The following LPP variants were observed in gnomAD, a reference collection of about 807,000 sequenced individuals.
LPP encodes the protein LIM domain containing preferred translocation partner in lipoma, also known as lipoma-preferred partner.
Under a neutral mutation model 60.4 loss-of-function variants are expected in LPP, and 38 were observed. The observed-to-expected ratio is 0.63, with a 90% CI of 0.49 to 0.83. The LOEUF is 0.83. Among genes scored for constraint, LPP ranks in the 40% least tolerant of loss-of-function variants. LPP has a pLI of 0.00. For missense variants in LPP, 902 were observed against 783.6 expected (o/e 1.15, Z -1.80); for synonymous variants, 328 against 290.8 (o/e 1.13, Z -1.30).
chr3:188,736,524 A>G (rs1042675229), intron 8 of LPP, among the ~76,000 whole-genome samples: 1 of 152,156 alleles, frequency 6.6e-6, no homozygotes, highest in Non-Finnish European at 1.5e-5. Context: ...TTAGGAAAAG[A>G]AACTACTGTC....
intron 8 of LPP, among the ~76,000 whole-genome samples, chr3:188,741,733 A>T (rs1305737137): frequency 6.6e-6 from 1 of 152,024 alleles, no homozygotes; most frequent in African/African-American, 2.4e-5. Context: ...TAGATAGGCA[A>T]ATATTTCTTA....
At chr3:188,432,680 C>G (rs1227641923) in intron 4 of LPP, among the ~76,000 whole-genome samples, 1 of 151,746 alleles carries the variant, frequency 6.6e-6, no homozygotes, top group Non-Finnish European at 1.5e-5. Flanking sequence ...ATAATATCAC[C>G]CAGGGATGAT....
chr3:188,760,410 GT>G, intron 9 of LPP, 128 bp downstream of exon 9: 1 of 397,946 alleles, frequency 2.5e-6, no homozygotes, highest in Admixed American at 6.1e-5. Flanking sequence ...TGTGTGTGGG[GT>G]GTGTGTGTGT....
At chr3:188,212,496 G>C (rs1372887928) in intron 1 of LPP, 1 of 152,118 alleles carries the variant, frequency 6.6e-6, no homozygotes, top group Non-Finnish European at 1.5e-5. Flanking sequence ...AAGAGAGAAG[G>C]GTGATTTTTC....
At chr3:188,348,706 T>G (rs929158324) in intron 3 of LPP, among the ~76,000 whole-genome samples, 17 of 152,238 alleles carry the variant, frequency 1.1e-4, no homozygotes, top group Non-Finnish European at 2.5e-4. Context: ...CTAGAACTTC[T>G]GAATGAGAAT....
intron 2 of LPP, among the ~76,000 whole-genome samples, chr3:188,324,846 G>A (rs532721406): frequency 6.6e-6 from 1 of 152,108 alleles, no homozygotes; most frequent in East Asian, 1.9e-4. Flanking sequence ...CTTACAATTT[G>A]TCCACTTCAC....
chr3:188,551,764 A>G (rs770864241), intron 6 of LPP, among the ~76,000 whole-genome samples: 6 of 152,140 alleles, frequency 3.9e-5, no homozygotes, highest in Non-Finnish European at 5.9e-5. Context: ...CATAGAGATC[A>G]ATTTTCCATT....
At chr3:188,688,285 A>G (rs1015469010) in intron 7 of LPP, among the ~76,000 whole-genome samples, 1 of 152,220 alleles carries the variant, frequency 6.6e-6, no homozygotes, top group Admixed American at 6.5e-5. Context: ...TTCCCTATGC[A>G]ATGTCATCTA....
chr3:188,577,790 CT>C (rs1160701026), intron 6 of LPP, among the ~76,000 whole-genome samples: 3 of 117,894 alleles, frequency 2.5e-5, no homozygotes, highest in South Asian at 3.0e-4. Context: ...CTGTCCTTCC[CT>C]TCCCTCCCTC....
At chr3:188,633,405 T>A (rs1444628151) in intron 7 of LPP, among the ~76,000 whole-genome samples, 1 of 152,236 alleles carries the variant, frequency 6.6e-6, no homozygotes, top group Non-Finnish European at 1.5e-5. Flanking sequence ...CTTACATAAC[T>A]GGTATTGTAA....
At chr3:188,818,030 G>T (rs780667623) in intron 9 of LPP, among the ~76,000 whole-genome samples, 1 of 152,186 alleles carries the variant, frequency 6.6e-6, no homozygotes, top group Non-Finnish European at 1.5e-5. Flanking sequence ...CTCTCTGCTA[G>T]TGAGGTCCTG....
chr3:188,824,376 T>A (rs1377898321), intron 9 of LPP, among the ~76,000 whole-genome samples: 2 of 152,196 alleles, frequency 1.3e-5, no homozygotes, highest in Non-Finnish European at 2.9e-5. Context: ...AGAATTAAAT[T>A]AAGTTAAAAA....
chr3:188,564,513 C>G (rs1831619194), intron 6 of LPP, among the ~76,000 whole-genome samples: 1 of 151,852 alleles, frequency 6.6e-6, no homozygotes, highest in South Asian at 2.1e-4. Flanking sequence ...CCATAATATA[C>G]CAGGATGAGC....
intron 1 of LPP, among the ~76,000 whole-genome samples, chr3:188,161,980 C>G (rs1235584531): frequency 6.6e-6 from 1 of 152,122 alleles, no homozygotes; most frequent in Non-Finnish European, 1.5e-5. Context: ...TTTGACAGCT[C>G]CCTGCCCCTG....
At position 188,871,468 on chromosome 3, in the gene LPP, T is replaced by C. The variant is rs561248078; in HGVS notation, c.1590-1175T>C. The stretch of plus-strand genomic sequence containing the variant: ...ATTTAGATTGCAGCCATACAGATGC[T>C]TTTTGGGTGCTGCCAGGAAAATTAA... On this transcript the variant is annotated intron_variant, in intron 10 of 11. Transcript: ENST00000617246. Among the ~76,000 whole-genome samples the C allele has an allele frequency of 4.6e-5, 7 of 152,324 alleles. No homozygotes were observed. In the East Asian group the frequency reaches 1.3e-3, roughly 29 times the overall value.
intron 9 of LPP, among the ~76,000 whole-genome samples, chr3:188,782,693 C>T (rs1164692136): frequency 1.3e-5 from 2 of 151,846 alleles, no homozygotes. Context: ...TGCAGATGAA[C>T]CCAGCCACTT....
intron 5 of LPP, among the ~76,000 whole-genome samples, chr3:188,506,753 G>A (rs1182444700): frequency 6.6e-6 from 1 of 152,140 alleles, no homozygotes; most frequent in Non-Finnish European, 1.5e-5. Flanking sequence ...CCTGAAGGCA[G>A]GATCACAACC....
intron 9 of LPP, among the ~76,000 whole-genome samples, chr3:188,783,513 G>A (rs962717512): frequency 4.0e-5 from 6 of 151,812 alleles, no homozygotes; most frequent in Admixed American, 2.0e-4. Context: ...ATGAGAACAC[G>A]TGGACACAAA....
intron 4 of LPP, among the ~76,000 whole-genome samples, chr3:188,466,825 A>G (rs1800543479): frequency 8.2e-6 from 1 of 121,548 alleles, no homozygotes; most frequent in Non-Finnish European, 1.7e-5. Context: ...ATATATATAT[A>G]TATATATATA....
Sources: gnomAD v4.1 joint callset for allele counts (sites outside exome capture counted in the v4.1 genomes callset) on GRCh38, gnomAD v4.1.1 for gene constraint, MANE v1.5 for transcripts, NCBI Gene and HGNC (gene_info 2026-07-23, HGNC 2026-07-21) for gene names.